The following NT5DC1 variants were observed in gnomAD, a reference collection of about 807,000 sequenced individuals.
The protein encoded by NT5DC1 is 5'-nucleotidase domain-containing protein 1.
Under a neutral mutation model 59.4 loss-of-function variants are expected in NT5DC1, and 42 were observed. The observed-to-expected ratio is 0.71, with a 90% CI of 0.55 to 0.92. The LOEUF is 0.92. Ranked by LOEUF, NT5DC1 falls within the 40% of genes least tolerant of loss-of-function variation. NT5DC1 has a pLI of 0.00. For missense variants in NT5DC1, 501 were observed against 537.1 expected (o/e 0.93, Z 0.66); for synonymous variants, 172 against 188.1 (o/e 0.91, Z 0.70).
intron 6 of NT5DC1, among the ~76,000 whole-genome samples, chr6:116,169,253 T>A (rs1215024866): frequency 6.6e-6 from 1 of 152,236 alleles, no homozygotes; most frequent in Non-Finnish European, 1.5e-5. Flanking sequence ...AGGTATTTTT[T>A]AAAGTTTGTT....
chr6:116,162,909 C>T (rs771758504), intron 6 of NT5DC1, among the ~76,000 whole-genome samples: 1 of 151,764 alleles, frequency 6.6e-6, no homozygotes, highest in Non-Finnish European at 1.5e-5. Context: ...GGGCAGATCA[C>T]GAGGTCAGGA....
chr6:116,179,680 T>C (rs980387452), intron 6 of NT5DC1, among the ~76,000 whole-genome samples: 37 of 152,178 alleles, frequency 2.4e-4, no homozygotes, highest in African/African-American at 8.9e-4. Flanking sequence ...TTTGGCACTT[T>C]GATGACAGGA....
chr6:116,163,672 C>T (rs372025975), intron 6 of NT5DC1, among the ~76,000 whole-genome samples: 2 of 151,920 alleles, frequency 1.3e-5, no homozygotes, highest in East Asian at 1.9e-4. Context: ...GGGTTTGGTT[C>T]GTTCTTGTTT....
At chr6:116,239,164 A>C (rs753469386) in intron 11 of NT5DC1, 41 bp downstream of exon 11, 1 of 1,356,786 alleles carries the variant, frequency 7.4e-7, no homozygotes, top group South Asian at 1.2e-5. Context: ...CTGTTACTAG[A>C]CAATAATGAC....
chr6:116,164,911 G>T (rs779866218), intron 6 of NT5DC1, among the ~76,000 whole-genome samples: 2 of 151,882 alleles, frequency 1.3e-5, no homozygotes, highest in African/African-American at 4.8e-5. Context: ...GTGAAACCCC[G>T]TCTCTACTAA....
At chr6:116,161,585 A>G (rs1206764846) in intron 6 of NT5DC1, among the ~76,000 whole-genome samples, 3 of 151,978 alleles carry the variant, frequency 2.0e-5, no homozygotes, top group Non-Finnish European at 4.4e-5. Flanking sequence ...CCATTGATCT[A>G]TGTGTCTATT....
At chr6:116,124,128 C>T (rs1287785123) in intron 6 of NT5DC1, among the ~76,000 whole-genome samples, 2 of 151,892 alleles carry the variant, frequency 1.3e-5, no homozygotes, top group African/African-American at 4.8e-5. Context: ...CATTTATTTT[C>T]AAATATTAAG....
At chr6:116,148,888 T>TA (rs1199654214) in intron 6 of NT5DC1, among the ~76,000 whole-genome samples, 1 of 152,130 alleles carries the variant, frequency 6.6e-6, no homozygotes, top group Non-Finnish European at 1.5e-5. Flanking sequence ...GTTTTTAAAA[T>TA]ACATGTATTA....
intron 6 of NT5DC1, among the ~76,000 whole-genome samples, chr6:116,130,961 A>G (rs1465551942): frequency 6.6e-6 from 1 of 152,184 alleles, no homozygotes; most frequent in Non-Finnish European, 1.5e-5. Context: ...GTAAAGTCAC[A>G]TGACACAGTT....
At chr6:116,185,672 T>G (rs1283795134) in intron 6 of NT5DC1, among the ~76,000 whole-genome samples, 1 of 152,142 alleles carries the variant, frequency 6.6e-6, no homozygotes, top group Non-Finnish European at 1.5e-5. Context: ...TTGTCTGATG[T>G]AAGAATAGCT....
At chr6:116,200,415 A>G (rs916960452) in intron 6 of NT5DC1, among the ~76,000 whole-genome samples, 1 of 152,038 alleles carries the variant, frequency 6.6e-6, no homozygotes, top group African/African-American at 2.4e-5. Context: ...ATAATAATGT[A>G]TTGGTATTGC....
At chr6:116,118,481 C>G (rs570719390) in intron 6 of NT5DC1, among the ~76,000 whole-genome samples, 1 of 152,204 alleles carries the variant, frequency 6.6e-6, no homozygotes, top group East Asian at 1.9e-4. Context: ...AGTATGTTAC[C>G]TCAGTGACTT....
At chr6:116,228,411 G>A (rs12201594) in intron 8 of NT5DC1, among the ~76,000 whole-genome samples, 2,817 of 152,254 alleles carry the variant, frequency 0.019, 50 homozygotes, top group African/African-American at 0.043. Flanking sequence ...GAGAGGCTGA[G>A]GCAGGAGAAT....
chr6:116,118,168 T>G, intron 6 of NT5DC1: 1 of 533,224 alleles, frequency 1.9e-6, no homozygotes, highest in South Asian at 2.0e-5. Context: ...TGTTACACTC[T>G]CCTTTACCAC....
At chr6:116,103,672 TCTC>T (rs2114895712) in intron 1 of NT5DC1, among the ~76,000 whole-genome samples, 1 of 152,186 alleles carries the variant, frequency 6.6e-6, no homozygotes, top group African/African-American at 2.4e-5. Flanking sequence ...TGTGAGTGCG[TCTC>T]CTTTCAGTTT....
chr6:116,134,665 T>C (rs1779545871), intron 6 of NT5DC1, among the ~76,000 whole-genome samples: 1 of 152,188 alleles, frequency 6.6e-6, no homozygotes, highest in Non-Finnish European at 1.5e-5. Flanking sequence ...TACCTTAAAA[T>C]AATAACTTGG....
intron 6 of NT5DC1, among the ~76,000 whole-genome samples, chr6:116,178,987 C>G (rs192870920): frequency 1.5e-4 from 23 of 152,286 alleles, no homozygotes; most frequent in Non-Finnish European, 4.4e-5. Flanking sequence ...ATTATTCTAT[C>G]CTCATCTTCA....
At chr6:116,158,399 A>G (rs776886633) in intron 6 of NT5DC1, among the ~76,000 whole-genome samples, 4 of 152,094 alleles carry the variant, frequency 2.6e-5, no homozygotes, top group Non-Finnish European at 5.9e-5. Flanking sequence ...TTTATAAATG[A>G]TTTACTTTTT....
intron 6 of NT5DC1, among the ~76,000 whole-genome samples, chr6:116,169,503 A>G (rs1304740033): frequency 6.6e-6 from 1 of 152,248 alleles, no homozygotes. Context: ...ATGAAAGACT[A>G]TATGGTAGGA....
Sources: gnomAD v4.1 joint callset for allele counts (sites outside exome capture counted in the v4.1 genomes callset) on GRCh38, gnomAD v4.1.1 for gene constraint, MANE v1.5 for transcripts, NCBI Gene and HGNC (gene_info 2026-07-23, HGNC 2026-07-21) for gene names.